SARNP: variants seen among roughly 807,000 people sequenced by gnomAD.
SARNP encodes the protein SAP domain containing ribonucleoprotein, also known as SAP domain-containing ribonucleoprotein.
SARNP carries 5 observed loss-of-function variants against 38.1 expected under a neutral mutation model. The ratio of observed to expected loss-of-function variants is 0.13; its 90% CI spans 0.07 to 0.28. The LOEUF (loss-of-function observed/expected upper bound fraction) is 0.28, where lower values mean the gene tolerates loss of function less well. Among genes scored for constraint, SARNP ranks in the 10% least tolerant of loss-of-function variants. The pLI, the probability that SARNP is intolerant of heterozygous loss-of-function variation, is 1.00. For synonymous variants in SARNP, 84 were observed against 80.6 expected (o/e 1.04, Z -0.23); for missense variants, 180 against 243.9 (o/e 0.74, Z 1.75).
intron 1 of SARNP, among the ~76,000 whole-genome samples, chr12:55,816,784 T>A (rs10082864): frequency 0.056 from 8,538 of 152,266 alleles, 316 homozygotes; most frequent in East Asian, 0.11. Flanking sequence ...TATATTTTTT[T>A]AACTTTTTTA....
rs376346673 is a variant in SARNP at position 55,804,096 on chromosome 12, T to C, written c.37-368A>G. 4.6e-5 allele frequency among the ~76,000 whole-genome samples: 7 copies of C among 152,302 alleles called. No individual in the cohort carries two copies. In the East Asian group the frequency reaches 7.7e-4, roughly 17 times the overall value. On this transcript the variant is annotated intron_variant, in intron 1 of 10. Coordinates refer to ENST00000336133, the MANE Select transcript of SARNP (RefSeq NM_033082.4). ...CATATTGGAAGAATGAACCTTCAAG[T>C]AGAAAATCCAATGATCTAAAAGCAG...
At chr12:55,785,303 T>C (rs928625954) in intron 9 of SARNP, among the ~76,000 whole-genome samples, 2 of 152,118 alleles carry the variant, frequency 1.3e-5, no homozygotes, top group Non-Finnish European at 1.5e-5. Flanking sequence ...AGACTTAAAA[T>C]GGGCGCTGAA....
rs58583137 is a variant in SARNP, at chr12:55,766,616, CGGGGGGG to C, written c.502-5983_502-5977del. ...CTATATATTTTGTGGGTTTTTTTGG[CGGGGGGG>C]GGGGGGGGGTTGTTTTTTTGAGACA... On this transcript the variant is annotated intron_variant, in intron 9 of 10. Transcript: ENST00000336133. 1.6e-4 allele frequency among the ~76,000 whole-genome samples: 6 copies of C among 38,106 alleles called. 1 individual carries two copies. The highest frequency in any genetic ancestry group is 9.3e-4 in the Admixed American group (2 of 2,146). 25.0% of individuals were successfully genotyped at this position (38,106 alleles called of 152,430 possible).
chr12:55,758,025 C>G (rs1878565446), intron 10 of SARNP, among the ~76,000 whole-genome samples: 1 of 152,152 alleles, frequency 6.6e-6, no homozygotes, highest in Admixed American at 6.5e-5. Context: ...AGTAGCTATT[C>G]CTTAGGACTC....
chr12:55,780,944 A>C (rs755669260), intron 9 of SARNP, among the ~76,000 whole-genome samples: 2 of 152,238 alleles, frequency 1.3e-5, no homozygotes, highest in Non-Finnish European at 2.9e-5. Context: ...AGGGTAACTG[A>C]AACAACGGAA....
intron 9 of SARNP, among the ~76,000 whole-genome samples, chr12:55,788,028 C>T (rs1592569968): frequency 6.6e-6 from 1 of 152,320 alleles, no homozygotes; most frequent in Middle Eastern, 3.4e-3. Flanking sequence ...GGATTACAGG[C>T]GTGAGCCACC....
At chr12:55,778,409 A>G (rs1398950566) in intron 9 of SARNP, among the ~76,000 whole-genome samples, 2 of 152,186 alleles carry the variant, frequency 1.3e-5, no homozygotes, top group Admixed American at 6.5e-5. Context: ...GGCCTCTCAA[A>G]GTGCTGAGAT....
At chr12:55,813,910 G>A (rs114279819) in intron 1 of SARNP, among the ~76,000 whole-genome samples, 30 of 152,246 alleles carry the variant, frequency 2.0e-4, no homozygotes, top group African/African-American at 6.7e-4. Context: ...TACTCTCTCT[G>A]AGCTATGGTT....
At chr12:55,808,169 G>C (rs2136206026) in intron 1 of SARNP, among the ~76,000 whole-genome samples, 1 of 152,174 alleles carries the variant, frequency 6.6e-6, no homozygotes, top group South Asian at 2.1e-4. Context: ...ATTTTAAAAG[G>C]AAAATAGACA....
chr12:55,787,720 T>C (rs1230547358), intron 9 of SARNP, among the ~76,000 whole-genome samples: 2 of 150,248 alleles, frequency 1.3e-5, no homozygotes, highest in Non-Finnish European at 3.0e-5. Flanking sequence ...ACAGGCACGG[T>C]GGTGCTCGAC....
At position 55,757,499 on chromosome 12, in the gene SARNP, CA is replaced by C. The variant is rs778119993; in HGVS notation, c.*12del. 10 of 1,604,574 alleles carry C rather than the reference CA, an allele frequency of 6.2e-6. No homozygotes were observed. The highest frequency in any genetic ancestry group is 6.0e-6 in the Non-Finnish European group (7 of 1,176,436). On this transcript the variant is annotated 3_prime_UTR_variant, in exon 11 of 11. Transcript: ENST00000336133. ...GAAAACACTGGAGAACAGAAAGTATCAGGAACTTTTCATCAGGCAATCCCAA... is the reference window on the plus strand; with the variant it reads ...GAAAACACTGGAGAACAGAAAGTATCGGAACTTTTCATCAGGCAATCCCAA...
intron 1 of SARNP, among the ~76,000 whole-genome samples, chr12:55,804,934 G>C (rs1207106747): frequency 1.3e-5 from 2 of 152,308 alleles, no homozygotes; most frequent in Admixed American, 6.5e-5. Flanking sequence ...TCAGCTAGGA[G>C]AACATTTCAT....
At position 55,757,300 on chromosome 12, in the gene SARNP, C is replaced by T; in HGVS notation, c.*212G>A. 2.5e-6 allele frequency: 1 copy of T among 400,602 alleles called. No homozygotes were observed. The highest frequency in any genetic ancestry group is 4.5e-6 in the Non-Finnish European group (1 of 223,590). The allele number at this position is 400,602 out of a possible 1,614,324, so 24.8% of individuals were successfully genotyped here. On this transcript the variant is annotated 3_prime_UTR_variant, in exon 11 of 11. Transcript: ENST00000336133. ...TTTTCTATTTTTTTTTATTAACAAG[C>T]AACATAATCAAAAACAAAAACACAA...
chr12:55,792,802 A>T (rs1879712632), intron 7 of SARNP: 1 of 151,966 alleles, frequency 6.6e-6, no homozygotes, highest in South Asian at 2.1e-4. Flanking sequence ...CTCCCACCCC[A>T]GCGCCCCAAG....
intron 9 of SARNP, among the ~76,000 whole-genome samples, chr12:55,764,832 C>CAA (rs1162009254): frequency 2.8e-3 from 172 of 61,444 alleles, no homozygotes; most frequent in Non-Finnish European, 3.8e-3. Flanking sequence ...CTCTGTCTCA[C>CAA]AAAAAAAAAA....
intron 1 of SARNP, among the ~76,000 whole-genome samples, chr12:55,817,037 GAA>G (rs1433011810): frequency 6.6e-6 from 1 of 152,136 alleles, no homozygotes; most frequent in African/African-American, 2.4e-5. Flanking sequence ...GACAGAACTC[GAA>G]AACTTTTAAA....
intron 1 of SARNP, among the ~76,000 whole-genome samples, chr12:55,813,025 A>C (rs1042167478): frequency 2.6e-5 from 4 of 151,664 alleles, no homozygotes; most frequent in African/African-American, 9.7e-5. Flanking sequence ...CGGCTCCTGC[A>C]ACCTCCGCCT....
chr12:55,793,660 C>A (rs1565679310), intron 7 of SARNP: 1 of 151,928 alleles, frequency 6.6e-6, no homozygotes, highest in Non-Finnish European at 1.5e-5. Flanking sequence ...TGGACCTGTG[C>A]AGTTCAAACC....
At chr12:55,753,220 G>A (rs910171188), downstream of SARNP, 5 of 152,186 alleles carry the variant, frequency 3.3e-5, no homozygotes, top group African/African-American at 1.2e-4. Flanking sequence ...AAGATCTAAA[G>A]GTTCTCTTGA....
Sources: gnomAD v4.1 joint callset for allele counts (sites outside exome capture counted in the v4.1 genomes callset) on GRCh38, gnomAD v4.1.1 for gene constraint, MANE v1.5 for transcripts, NCBI Gene and HGNC (gene_info 2026-07-23, HGNC 2026-07-21) for gene names.